The following ZNG1A variants were observed in gnomAD, a reference collection of about 807,000 sequenced individuals.
The protein encoded by ZNG1A is Zn regulated GTPase metalloprotein activator 1A.
At chr9:170,278 C>G in the ZNG1A span, among the ~76,000 whole-genome samples, 1 of 151,410 alleles carries the variant, frequency 6.6e-6, no homozygotes, top group African/African-American at 2.4e-5. Flanking sequence ...GGCTGCCATT[C>G]AACATACTAC....
chr9:132,367 A>T, the ZNG1A span, among the ~76,000 whole-genome samples: 1 of 127,960 alleles, frequency 7.8e-6, no homozygotes, highest in Admixed American at 7.9e-5. Flanking sequence ...AAAAAAAAAA[A>T]AATACAAAAA....
chr9:148,903 AG>A, the ZNG1A span: 1 of 148,900 alleles, frequency 6.7e-6, no homozygotes, highest in Non-Finnish European at 1.5e-5. Flanking sequence ...AACTCCAGTG[AG>A]TCTCACAAAC....
the ZNG1A span, chr9:152,188 A>C: frequency 2.9e-6 from 1 of 341,460 alleles, no homozygotes; most frequent in South Asian, 3.3e-5. Context: ...ATACCCAAAT[A>C]CATCTGGAAC....
the ZNG1A span, among the ~76,000 whole-genome samples, chr9:139,318 A>G: frequency 3.3e-5 from 5 of 150,512 alleles, no homozygotes; most frequent in Non-Finnish European, 5.9e-5. Context: ...AAAATAGTCA[A>G]CCCCATAGAA....
chr9:129,031 C>T, the ZNG1A span, among the ~76,000 whole-genome samples: 4 of 151,626 alleles, frequency 2.6e-5, no homozygotes, highest in East Asian at 7.8e-4. Flanking sequence ...AGATGTGAAC[C>T]ATCTGTGGGT....
chr9:146,191 A>C, the ZNG1A span: 10 of 1,582,892 alleles, frequency 6.3e-6, no homozygotes, highest in Non-Finnish European at 8.5e-6. Flanking sequence ...GAGCAGTTGG[A>C]AATTCTGTGA....
the ZNG1A span, among the ~76,000 whole-genome samples, chr9:130,909 T>C: frequency 2.6e-5 from 3 of 113,374 alleles, no homozygotes; most frequent in African/African-American, 1.1e-4. Context: ...CCTACACCAA[T>C]AAACTCTTTT....
chr9:174,043 C>T, the ZNG1A span, among the ~76,000 whole-genome samples: 17 of 150,838 alleles, frequency 1.1e-4, no homozygotes, highest in Admixed American at 6.6e-4. Flanking sequence ...GCTACTCAGG[C>T]GGCTGAGGCA....
At chr9:145,990 A>T in the ZNG1A span, 16 of 1,033,164 alleles carry the variant, frequency 1.5e-5, no homozygotes, top group Non-Finnish European at 2.2e-5. Context: ...CTTGTATGCC[A>T]AAGGAATGGC....
the ZNG1A span, among the ~76,000 whole-genome samples, chr9:142,797 C>G: frequency 5.5e-4 from 77 of 139,870 alleles, no homozygotes; most frequent in Admixed American, 4.3e-3. Flanking sequence ...AGACCGCTAG[C>G]AAGACTAATA....
the ZNG1A span, among the ~76,000 whole-genome samples, chr9:124,122 T>G: frequency 6.6e-6 from 1 of 152,154 alleles, no homozygotes; most frequent in Non-Finnish European, 1.5e-5. Context: ...TATTGAATAT[T>G]AACTTTAGGA....
At chr9:146,047 C>T in the ZNG1A span, 1 of 1,340,206 alleles carries the variant, frequency 7.5e-7, no homozygotes, top group Non-Finnish European at 1.0e-6. Flanking sequence ...TTCCTGTTAA[C>T]TATGGGGAAA....
chr9:121,566 A>C, the ZNG1A span: 12 of 1,607,462 alleles, frequency 7.5e-6, no homozygotes, highest in Non-Finnish European at 1.0e-5. Context: ...CCTTATCTAA[A>C]TTTCTGCCTG....
the ZNG1A span, among the ~76,000 whole-genome samples, chr9:169,595 G>C: frequency 6.9e-6 from 1 of 144,630 alleles, no homozygotes; most frequent in African/African-American, 2.6e-5. Context: ...ATGAAAGGGA[G>C]AGTCAACTAA....
At chr9:158,597 A>G in the ZNG1A span, among the ~76,000 whole-genome samples, 2 of 150,868 alleles carry the variant, frequency 1.3e-5, no homozygotes, top group Non-Finnish European at 2.9e-5. Context: ...GTAATGTGCA[A>G]TGTTTTAAAT....
the ZNG1A span, among the ~76,000 whole-genome samples, chr9:176,110 A>G: frequency 1.4e-5 from 2 of 145,850 alleles, no homozygotes; most frequent in African/African-American, 2.6e-5. Context: ...ACGCAACTTC[A>G]GGCTGACTAT....
chr9:157,837 T>C, the ZNG1A span, among the ~76,000 whole-genome samples: 2 of 151,100 alleles, frequency 1.3e-5, no homozygotes, highest in Non-Finnish European at 3.0e-5. Flanking sequence ...TCTGAATAGT[T>C]TGGAACCTCA....
At chr9:177,191 G>C in the ZNG1A span, among the ~76,000 whole-genome samples, 1,509 of 152,308 alleles carry the variant, frequency 9.9e-3, 19 homozygotes, top group African/African-American at 0.034. Context: ...GGCTGGAAAG[G>C]TTGGCAAGAT....
chr9:175,260 C>G, the ZNG1A span, among the ~76,000 whole-genome samples: 50 of 152,012 alleles, frequency 3.3e-4, 1 homozygote, highest in East Asian at 6.6e-3. Flanking sequence ...CGCCTGTAGT[C>G]CCAGCTACTC....
Sources: allele counts gnomAD v4.1 joint callset (sites outside exome capture counted in the v4.1 genomes callset), GRCh38; gene constraint gnomAD v4.1.1; transcripts MANE v1.5; gene names NCBI Gene and HGNC (gene_info 2026-07-23, HGNC 2026-07-21).